The following MICALL2 variants were observed in gnomAD, a reference collection of about 807,000 sequenced individuals.
MICALL2 encodes MICAL like 2.
A neutral mutation model predicts 91.1 loss-of-function variants in MICALL2; 111 were observed. The observed-to-expected ratio is 1.22, with a 90% CI of 1.04 to 1.43. MICALL2 has a LOEUF of 1.43. MICALL2 is among the 40% of genes most tolerant of loss of function. The pLI, the probability that MICALL2 is intolerant of heterozygous loss-of-function variation, is 0.00. For missense variants in MICALL2, 1,556 were observed against 1,236.0 expected (o/e 1.26, Z -3.88); for synonymous variants, 694 against 525.3 (o/e 1.32, Z -4.39).
rs1429959468 is a variant in MICALL2, at chr7:1,459,469, C to G, written c.-143G>C. On this transcript the variant is annotated 5_prime_UTR_variant, in exon 1 of 17. Coordinates refer to ENST00000297508, the MANE Select transcript of MICALL2 (RefSeq NM_182924.4). ...GGCGCCCAGCCCCAGCTGAGCCGGA[C>G]TGAGGGCGACGAGTGCCGGGTCCCT... The G allele has an allele frequency of 1.4e-6, 1 of 725,922 alleles. No individual in the cohort carries two copies. Among genetic ancestry groups the G allele is most frequent in the Non-Finnish European group, 2.0e-6 (1 of 506,006 alleles). 45.0% of individuals were successfully genotyped at this position (725,922 alleles called of 1,614,324 possible).
chr7:1,434,994 C>G, intron 16 of MICALL2, 107 bp downstream of exon 16: 1 of 487,036 alleles, frequency 2.1e-6, no homozygotes, highest in Non-Finnish European at 3.5e-6. Flanking sequence ...CGCCCCCCCC[C>G]CACCCCCAGC....
chr7:1,438,084 C>T lies in MICALL2; in HGVS notation c.2311+13G>A. ...GGAGTCGGGCTGGCCCAGGGCCAGG[C>T]CGAGGCGCTCACCTCCCTCGGCCGC... On this transcript the variant is annotated intron_variant, in intron 12 of 16. Coordinates refer to ENST00000297508, the MANE Select transcript of MICALL2 (RefSeq NM_182924.4). 1.3e-6 allele frequency: 2 copies of T among 1,570,654 alleles called. No individual in the cohort carries two copies. Among genetic ancestry groups the T allele is most frequent in the Non-Finnish European group, 1.7e-6 (2 of 1,159,218 alleles).
chr7:1,438,823 G>A lies in MICALL2; in HGVS notation c.2122+17C>T. 3 of 1,586,666 alleles carry A rather than the reference G, an allele frequency of 1.9e-6. No homozygotes were observed. The highest frequency in any genetic ancestry group is 1.7e-6 in the Non-Finnish European group (2 of 1,161,976). On this transcript the variant is annotated intron_variant, in intron 10 of 16. Transcript: ENST00000297508. Reference sequence around the variant, plus strand: ...TTCACGTACACCCCAAACAGCAGCGGTGTCTCTGGGGCTGACCTGGTTTGC... The same window carrying A: ...TTCACGTACACCCCAAACAGCAGCGATGTCTCTGGGGCTGACCTGGTTTGC...
At position 1,442,324 on chromosome 7, in the gene MICALL2, G is replaced by A. The variant is rs762258467; in HGVS notation, c.1579C>T (p.Gln527Ter). ...CCTGCCGGGGGCAACGCGGATGCCT[G>A]AGAGGTACTGCTCGTGCTCAGCGGG... Reference protein sequence around the residue: ...PAPLSTSSTSQASALPPAGRR... With the variant: ...PAPLSTSSTS The change falls in exon 7 of 17, where the codon CAG (glutamine) becomes TAG (stop). Residue 527 changes from glutamine to a stop codon, truncating the protein, a stop_gained. Transcript: ENST00000297508. LOFTEE classifies it high-confidence loss of function. The A allele has an allele frequency of 1.9e-5, 31 of 1,613,084 alleles. No individual in the cohort carries two copies. Among genetic ancestry groups the A allele is most frequent in the South Asian group, 3.3e-5 (3 of 91,076 alleles).
Position 1,445,301 on chromosome 7 carries a change from G to C in MICALL2, c.769C>G (p.Pro257Ala). 1 of 1,611,990 alleles carries C rather than the reference G, an allele frequency of 6.2e-7. No individual in the cohort carries two copies. The change falls in exon 6 of 17, where the codon CCC becomes GCC. Residue 257 changes from proline to alanine, a missense_variant. Transcript: ENST00000297508. ...ACACCCATGGCCCCTGGCTGTCGGG[G>C]GACCAGACCCGTCAACTTGGGGCTT... is the stretch of plus-strand genomic sequence containing the variant. ...SASPKLTGLVPRQPGAMGVDS... is the reference protein window; with the variant it reads ...SASPKLTGLVARQPGAMGVDS...
intron 1 of MICALL2, among the ~76,000 whole-genome samples, chr7:1,456,424 A>C (rs963773959): frequency 1.3e-5 from 2 of 151,884 alleles, no homozygotes; most frequent in African/African-American, 2.4e-5. Flanking sequence ...CGTCTCTAGA[A>C]AAAATATGAA....
At chr7:1,448,513 TGGG>T (rs111737157) in intron 3 of MICALL2, 104 bp downstream of exon 3, 14 of 859,350 alleles carry the variant, frequency 1.6e-5, no homozygotes, top group African/African-American at 1.3e-4. Context: ...GGGCCATTCT[TGGG>T]GGGGGGGCTG....
chr7:1,453,740 T>C (rs117464696), intron 1 of MICALL2, among the ~76,000 whole-genome samples: 3,360 of 152,020 alleles, frequency 0.022, 64 homozygotes, highest in Non-Finnish European at 0.036. Flanking sequence ...CAGGGTTTAA[T>C]CTTCTCTTAT....
At position 1,442,444 on chromosome 7, in the gene MICALL2, T is replaced by G. The variant is rs1016900341; in HGVS notation, c.1459A>C (p.Lys487Gln). ...GGACTTGCTTGTGGTGCTTCAGTTT[T>G]GGGCTGAGAACTGGGAACAGCGGCA... ...ATAAVPSSQP[K>Q]TEAPQASPLA... is the part of the protein sequence containing the mutation. Residue 487 changes from lysine (K) to glutamine (Q), a missense_variant, in exon 7 of 17, where the codon AAA (lysine) becomes CAA (glutamine). Coordinates refer to ENST00000297508, the MANE Select transcript of MICALL2 (RefSeq NM_182924.4). 2.6e-6 allele frequency: 4 copies of G among 1,554,766 alleles called. No homozygotes were observed. Among genetic ancestry groups the G allele is most frequent in the Admixed American group, 3.7e-5 (2 of 53,446 alleles).
At chr7:1,450,044 A>G (rs1780765137) in intron 2 of MICALL2, among the ~76,000 whole-genome samples, 196 bp downstream of exon 2, 1 of 152,200 alleles carries the variant, frequency 6.6e-6, no homozygotes. Context: ...GGGTGCCAAG[A>G]TAAGAGGCTA....
intron 3 of MICALL2, 76 bp downstream of exon 3, chr7:1,448,544 G>T: frequency 6.5e-7 from 1 of 1,536,670 alleles, no homozygotes; most frequent in Non-Finnish European, 8.9e-7. Context: ...ACCCCAAAAA[G>T]TCCACAGGCC....
At chr7:1,446,422 T>G (rs182763042) in intron 5 of MICALL2, among the ~76,000 whole-genome samples, 2 of 12 alleles carry the variant, frequency 0.17, 1 homozygote, top group Non-Finnish European at 0.17. Context: ...AGGCGGACCA[T>G]TAGGGAGAGA....
In MICALL2 at chr7:1,451,646, T is replaced by C. The variant is rs1780832090; in HGVS notation, c.144-1358A>G. 6.6e-6 allele frequency among the ~76,000 whole-genome samples: 1 copy of C among 152,090 alleles called. No individual in the cohort carries two copies. The highest frequency in any genetic ancestry group is 2.4e-5 in the African/African-American group (1 of 41,406). The stretch of plus-strand genomic sequence containing the variant: ...CAGAGGGAGCTGGGGCTGCAAGCCG[T>C]GTCCTGCCTCACCCCGGCCTGCATG... On this transcript the variant is annotated intron_variant, in intron 1 of 16. Coordinates refer to ENST00000297508, the MANE Select transcript of MICALL2 (RefSeq NM_182924.4). This position sits in a 1 kb window ranked among gnomAD's most constrained non-coding sequence, Gnocchi z 4.5.
In MICALL2 at chr7:1,459,354, A is replaced by C; in HGVS notation, c.-28T>G. ...GGGCGGCGCGCCCGCCGCGCGGCGG[A>C]ACCGCCCTCCGACACCTTCCCGCGG... On this transcript the variant is annotated 5_prime_UTR_variant, in exon 1 of 17. Coordinates refer to ENST00000297508, the MANE Select transcript of MICALL2 (RefSeq NM_182924.4). 6.7e-7 allele frequency: 1 copy of C among 1,484,372 alleles called. No individual in the cohort carries two copies. 92.0% of individuals were successfully genotyped at this position (1,484,372 alleles called of 1,614,324 possible).
chr7:1,454,803 C>A (rs542480229), intron 1 of MICALL2, among the ~76,000 whole-genome samples: 2 of 152,146 alleles, frequency 1.3e-5, no homozygotes, highest in South Asian at 2.1e-4. Flanking sequence ...TCTCCCCTGG[C>A]CCCCAACAAT....
intron 16 of MICALL2, 85 bp downstream of exon 16, chr7:1,435,016 T>G: frequency 1.9e-5 from 6 of 311,130 alleles, no homozygotes; most frequent in Middle Eastern, 1.0e-3. Flanking sequence ...GGAGGCCCGG[T>G]CCACCCAGCC....
At chr7:1,450,363 T>C (rs1395631703) in intron 1 of MICALL2, 75 bp from the exon 2 acceptor site, 2 of 1,280,622 alleles carry the variant, frequency 1.6e-6, no homozygotes, top group Admixed American at 1.7e-5. Flanking sequence ...TCAGAGGTCA[T>C]CTTGCCCAAA....
At chr7:1,449,745 G>A (rs10276847) in intron 2 of MICALL2, among the ~76,000 whole-genome samples, 15,982 of 152,272 alleles carry the variant, frequency 0.1, 953 homozygotes, top group Admixed American at 0.18. Flanking sequence ...ACGAGGGAGC[G>A]TGGTGCTTAT....
intron 16 of MICALL2, 160 bp from the exon 17 acceptor site, chr7:1,434,832 C>A (rs896107515): frequency 7.5e-6 from 6 of 799,718 alleles, no homozygotes; most frequent in Non-Finnish European, 1.2e-5. Context: ...CACGTGAGAA[C>A]CTGCCCCGAC....
Sources: gnomAD v4.1 joint callset for allele counts (sites outside exome capture counted in the v4.1 genomes callset) on GRCh38, gnomAD v4.1.1 for gene constraint, Gnocchi (gnomAD v3.1) non-coding constraint, MANE v1.5 for transcripts, NCBI Gene and HGNC (gene_info 2026-07-23, HGNC 2026-07-21) for gene names.